SLC12A4: variants seen among roughly 807,000 people sequenced by gnomAD.
SLC12A4 encodes the protein electroneutral potassium-chloride cotransporter 1.
SLC12A4 carries 84 observed loss-of-function variants against 119.2 expected under a neutral mutation model. The observed-to-expected ratio is 0.70, with a 90% CI of 0.59 to 0.85. SLC12A4 has a LOEUF of 0.85. Ranked by LOEUF, SLC12A4 falls within the 40% of genes least tolerant of loss-of-function variation. The pLI is 0.00. For synonymous variants in SLC12A4, 599 were observed against 604.6 expected (o/e 0.99, Z 0.14); for missense variants, 1,298 against 1,476.3 (o/e 0.88, Z 1.98).
rs774692864 is a variant in SLC12A4 at position 67,963,576 on chromosome 16, A to G, written c.116-17T>C. The G allele has an allele frequency of 6.5e-7, 1 of 1,536,068 alleles. No homozygotes were observed. The highest frequency in any genetic ancestry group is 8.8e-7 in the Non-Finnish European group (1 of 1,140,458). On this transcript the variant is annotated splice_polypyrimidine_tract_variant and intron_variant, in intron 1 of 23. Transcript: ENST00000316341. The stretch of plus-strand genomic sequence containing the variant: ...TGCCATGTCCTGTGAAGAGAGAGGG[A>G]CAATCAGGGCCTGCTTCCTGAGCCC...
intron 1 of SLC12A4, among the ~76,000 whole-genome samples, chr16:67,966,555 G>A (rs1045582851): frequency 3.9e-5 from 6 of 152,234 alleles, no homozygotes; most frequent in African/African-American, 1.4e-4. Flanking sequence ...ACGGACATCT[G>A]CCTGAGGTGC....
In SLC12A4 at chr16:67,952,373, G is replaced by A. The variant is rs376136485; in HGVS notation, c.728C>T (p.Thr243Met). 108 of 1,614,162 alleles carry A rather than the reference G, an allele frequency of 6.7e-5. No homozygotes were observed. The African/African-American group carries it at 1.2e-3, about 18-fold the overall frequency. ...AIFYPSGAHD[T>M]SNATLNNMRV... ...CATATTGTTCAAAGTGGCATTCGAC[G>A]TGTCATGAGCACCCGATGGGTAAAA... The change falls in exon 7 of 24, where the codon ACG (threonine) becomes ATG (methionine). Residue 243 changes from threonine to methionine, a missense_variant. Physicochemically the swap from Thr to Met is moderately conservative, Grantham distance 81 (BLOSUM62 -1). Coordinates refer to ENST00000316341, the MANE Select transcript of SLC12A4 (RefSeq NM_005072.5).
At chr16:67,946,894 A>T (rs765482223) in intron 17 of SLC12A4, 43 bp downstream of exon 17, 30 of 1,591,898 alleles carry the variant, frequency 1.9e-5, no homozygotes, top group Middle Eastern at 1.7e-4. Context: ...TGCAGTCCAG[A>T]CCCCTGTAGT....
In SLC12A4 at chr16:67,952,344, C is replaced by CA. The variant is rs1189355226; in HGVS notation, c.756dup (p.Val253CysfsTer49). 1 of 1,614,098 alleles carries CA rather than the reference C, an allele frequency of 6.2e-7. No individual in the cohort carries two copies. Among genetic ancestry groups the CA allele is most frequent in the African/African-American group, 1.3e-5 (1 of 74,926 alleles). Reference sequence around the variant, plus strand: ...AAGGTCAGGAAAATGGTCCCATACACACGCATATTGTTCAAAGTGGCATTC... The same window carrying CA: ...AAGGTCAGGAAAATGGTCCCATACACAACGCATATTGTTCAAAGTGGCATTC... On this transcript the variant is annotated frameshift_variant, in exon 7 of 24. Coordinates refer to ENST00000316341, the MANE Select transcript of SLC12A4 (RefSeq NM_005072.5). LOFTEE classifies it high-confidence loss of function.
rs376339205 is a variant in SLC12A4 at position 67,950,268 on chromosome 16, G to A, written c.1629+51C>T. On this transcript the variant is annotated intron_variant, in intron 12 of 23. Transcript: ENST00000316341. The surrounding 1 kb of genome is among the most constrained non-coding windows in gnomAD (Gnocchi z 4.3). ...GTGTTCCCTATCTCTCTCCCCAGCCGGGCGAGGGCCTGGGAGCAGCCAGGC... is the reference window on the plus strand; with the variant it reads ...GTGTTCCCTATCTCTCTCCCCAGCCAGGCGAGGGCCTGGGAGCAGCCAGGC... 8.6e-4 allele frequency: 1,360 copies of A among 1,581,404 alleles called. No individual in the cohort carries two copies. The highest frequency in any genetic ancestry group is 1.1e-3 in the Non-Finnish European group (1,254 of 1,159,594).
chr16:67,950,823 G>T lies in SLC12A4; in HGVS notation c.1397-112C>A, dbSNP rs1385015207. The T allele has an allele frequency of 3.4e-6, 5 of 1,458,888 alleles. No individual in the cohort carries two copies. The highest frequency in any genetic ancestry group is 4.7e-6 in the Non-Finnish European group (5 of 1,058,722). The allele number at this position is 1,458,888 out of a possible 1,614,324, so 90.4% of individuals were successfully genotyped here. On this transcript the variant is annotated intron_variant, in intron 10 of 23. Transcript: ENST00000316341. The surrounding 1 kb of genome is among the most constrained non-coding windows in gnomAD (Gnocchi z 4.3). Reference sequence around the variant, plus strand: ...GGACACCTACAGCTGGGAGTCTCGTGGTGTGTATGTGCATGTGTGCATGAG... The same window carrying T: ...GGACACCTACAGCTGGGAGTCTCGTTGTGTGTATGTGCATGTGTGCATGAG...
chr16:67,946,942 C>G lies in SLC12A4; in HGVS notation c.2236G>C (p.Glu746Gln). 6.2e-7 allele frequency: 1 copy of G among 1,612,752 alleles called. No homozygotes were observed. Among genetic ancestry groups the G allele is most frequent in the Non-Finnish European group, 8.5e-7 (1 of 1,179,780 alleles). ...LESYGEAQAA[E>Q]QTIKNMMEIE... ...TCCCTCCCCAAAGCAAGTACCTGCT[C>G]GGCGGCCTGAGCCTCGCCATAGCTC... The change falls in exon 17 of 24, where the codon GAG becomes CAG. Residue 746 changes from glutamate to glutamine, a missense_variant. Transcript: ENST00000316341.
At chr16:67,946,728 TGGA>T in intron 17 of SLC12A4, 95 bp from the exon 18 acceptor site, 3 of 1,426,876 alleles carry the variant, frequency 2.1e-6, no homozygotes, top group Non-Finnish European at 1.9e-6. Context: ...GACTTTTGGG[TGGA>T]GGAGGGCCTG....
rs1598214537 is a variant in SLC12A4 at position 67,949,678 on chromosome 16, A to T, written c.1748+122T>A. On this transcript the variant is annotated intron_variant, in intron 13 of 23. Coordinates refer to ENST00000316341, the MANE Select transcript of SLC12A4 (RefSeq NM_005072.5). The surrounding 1 kb of genome is among the most constrained non-coding windows in gnomAD (Gnocchi z 4.6). ...GGTGGGCTGAGCCCTGTCAGGCCAC[A>T]TCTCCCCATGCAGCCTGCCACATCT... is the stretch of plus-strand genomic sequence containing the variant. 1.5e-6 allele frequency: 1 copy of T among 667,934 alleles called. No individual in the cohort carries two copies. The highest frequency in any genetic ancestry group is 1.9e-5 in the South Asian group (1 of 52,614). 41.4% of individuals were successfully genotyped at this position (667,934 alleles called of 1,614,324 possible).
chr16:67,945,151 G>C lies in SLC12A4; in HGVS notation c.3102C>G (p.His1034Gln). ...TGTTTAGGAGAACCAGGCGGGCGTC[G>C]TGGGAGCGCGTGACAATGACTTCAT... ...KLNEVIVTRS[H>Q]DARLVLLNMP... The change falls in exon 23 of 24, where the codon CAC becomes CAG. Residue 1034 changes from histidine (H) to glutamine (Q), a missense_variant. Coordinates refer to ENST00000316341, the MANE Select transcript of SLC12A4 (RefSeq NM_005072.5). The C allele has an allele frequency of 6.3e-7, 1 of 1,598,100 alleles. No individual in the cohort carries two copies. Among genetic ancestry groups the C allele is most frequent in the Non-Finnish European group, 8.5e-7 (1 of 1,171,072 alleles).
Position 67,950,851 on chromosome 16 carries a change from G to A in SLC12A4, c.1396+111C>T, listed in dbSNP as rs930044538. ...GTGTATGTGCATGTGTGCATGAGAAGGGGAGCTATATATGAGTGTGTGGGG... is the reference window on the plus strand; with the variant it reads ...GTGTATGTGCATGTGTGCATGAGAAAGGGAGCTATATATGAGTGTGTGGGG... On this transcript the variant is annotated intron_variant, in intron 10 of 23. Coordinates refer to ENST00000316341, the MANE Select transcript of SLC12A4 (RefSeq NM_005072.5). This position sits in a 1 kb window ranked among gnomAD's most constrained non-coding sequence, Gnocchi z 4.3. 27 of 1,427,258 alleles carry A rather than the reference G, an allele frequency of 1.9e-5. No individual in the cohort carries two copies. The highest frequency in any genetic ancestry group is 2.5e-5 in the Non-Finnish European group (26 of 1,025,796). 88.4% of individuals were successfully genotyped at this position (1,427,258 alleles called of 1,614,324 possible).
Position 67,946,815 on chromosome 16 carries a change from A to G in SLC12A4, c.2241+122T>C, listed in dbSNP as rs551026863. The G allele has an allele frequency of 3.4e-5, 43 of 1,281,600 alleles. No individual in the cohort carries two copies. The African/African-American group carries it at 5.9e-4, about 18-fold the overall frequency. 79.4% of individuals were successfully genotyped at this position (1,281,600 alleles called of 1,614,324 possible). Reference sequence around the variant, plus strand: ...CTGGCTCCCCCTTGTGCCAGCTCTCAGGTGGCAGCAGTGCTGGCTGCCTGG... The same window carrying G: ...CTGGCTCCCCCTTGTGCCAGCTCTCGGGTGGCAGCAGTGCTGGCTGCCTGG... On this transcript the variant is annotated intron_variant, in intron 17 of 23. Transcript: ENST00000316341.
At chr16:67,968,303 G>A (rs1002662723) in intron 1 of SLC12A4, 136 bp downstream of exon 1, 21 of 727,984 alleles carry the variant, frequency 2.9e-5, no homozygotes, top group Admixed American at 4.3e-5. Flanking sequence ...TGGCAGCGGC[G>A]CGGTCCAAAA....
chr16:67,956,361 T>C (rs558916561), intron 5 of SLC12A4, among the ~76,000 whole-genome samples: 10 of 152,150 alleles, frequency 6.6e-5, no homozygotes, highest in East Asian at 1.9e-4. Context: ...TTAATTAGGT[T>C]ATGGTGTACC....
At chr16:67,965,122 G>A (rs564805343) in intron 1 of SLC12A4, among the ~76,000 whole-genome samples, 6 of 152,304 alleles carry the variant, frequency 3.9e-5, no homozygotes, top group Admixed American at 3.3e-4. Context: ...ACAGTCCACC[G>A]TGTCATGTTA....
intron 3 of SLC12A4, among the ~76,000 whole-genome samples, chr16:67,958,592 T>C (rs952582584): frequency 1.3e-5 from 2 of 152,112 alleles, no homozygotes; most frequent in Non-Finnish European, 2.9e-5. Context: ...TCTGCTGCTA[T>C]AGTAGGTCTC....
rs1310315928 is a variant in SLC12A4, at chr16:67,944,933, T to C, written c.3167-2A>G. 6.2e-7 allele frequency: 1 copy of C among 1,613,342 alleles called. No individual in the cohort carries two copies. Among genetic ancestry groups the C allele is most frequent in the Non-Finnish European group, 8.5e-7 (1 of 1,179,978 alleles). ...TCAGCACCTCGAGGAACTCCATGTC[T>C]GCAGGGCCTCAAGTCAAGGAGGCAA... is the stretch of plus-strand genomic sequence containing the variant. On this transcript the variant is annotated splice_acceptor_variant, in intron 23 of 23. Coordinates refer to ENST00000316341, the MANE Select transcript of SLC12A4 (RefSeq NM_005072.5). LOFTEE classifies it high-confidence loss of function. This position sits in a 1 kb window ranked among gnomAD's most constrained non-coding sequence, Gnocchi z 6.6.
rs1205689617 is a variant in SLC12A4, at chr16:67,950,500, G to C, written c.1455-7C>G. On this transcript the variant is annotated splice_region_variant and splice_polypyrimidine_tract_variant and intron_variant, in intron 11 of 23. Coordinates refer to ENST00000316341, the MANE Select transcript of SLC12A4 (RefSeq NM_005072.5). This position sits in a 1 kb window ranked among gnomAD's most constrained non-coding sequence, Gnocchi z 4.3. ...GCTGACACCATCGCCATACCTGCAG[G>C]GGCCACCAGAGTGAGGGATGTCAGG... 1 of 1,613,692 alleles carries C rather than the reference G, an allele frequency of 6.2e-7. No individual in the cohort carries two copies. Among genetic ancestry groups the C allele is most frequent in the African/African-American group, 1.3e-5 (1 of 74,932 alleles).
chr16:67,946,167 C>G lies in SLC12A4; in HGVS notation c.2607+4G>C. 1 of 1,613,870 alleles carries G rather than the reference C, an allele frequency of 6.2e-7. No individual in the cohort carries two copies. The highest frequency in any genetic ancestry group is 1.3e-5 in the African/African-American group (1 of 75,048). On this transcript the variant is annotated splice_donor_region_variant and intron_variant, in intron 19 of 23. Transcript: ENST00000316341. ...CTCTCATCTGCACCCACCCCCTGGT[C>G]TACCTTATGCTGGCGCAGCAGGAAG... is the stretch of plus-strand genomic sequence containing the variant.
Sources: allele counts gnomAD v4.1 joint callset (sites outside exome capture counted in the v4.1 genomes callset), GRCh38; gene constraint gnomAD v4.1.1; non-coding constraint Gnocchi (gnomAD v3.1); transcripts MANE v1.5; gene names NCBI Gene and HGNC (gene_info 2026-07-23, HGNC 2026-07-21).